The following TTBK1 variants were observed in gnomAD, a reference collection of about 807,000 sequenced individuals.
TTBK1 encodes tau tubulin kinase 1.
TTBK1 carries 34 observed loss-of-function variants against 108.5 expected under a neutral mutation model. The observed-to-expected ratio is 0.31, with a 90% CI of 0.24 to 0.42. The LOEUF (loss-of-function observed/expected upper bound fraction) is 0.42. Among genes scored for constraint, TTBK1 ranks in the 10% least tolerant of loss-of-function variants. The pLI is 1.00. For synonymous variants in TTBK1, 809 were observed against 795.1 expected, an observed-to-expected ratio of 1.02 and a Z score of -0.29; for missense variants, 1,539 against 1,826.0, an observed-to-expected ratio of 0.84 and a Z score of 2.86.
chr6:43,255,159 C>T, intron 7 of TTBK1, 45 bp downstream of exon 7: 1 of 849,006 alleles, frequency 1.2e-6, no homozygotes, highest in South Asian at 1.5e-5. Context: ...GTGGGAGGGG[C>T]AAGGTCGGGG....
rs1198817887 is a variant in TTBK1, at chr6:43,259,426, CTG to C, written c.1249-101_1249-100del. Reference sequence around the variant, plus strand: ...CCGGTCCCTCCCCGCACTAGCCTCGCTGTGTCTTCCATCATCATCATCCTCTG... The same window carrying C: ...CCGGTCCCTCCCCGCACTAGCCTCGCTGTCTTCCATCATCATCATCCTCTG... On this transcript the variant is annotated intron_variant, in intron 11 of 14. Coordinates refer to ENST00000259750, the MANE Select transcript of TTBK1 (RefSeq NM_032538.3). This position sits in a 1 kb window ranked among gnomAD's most constrained non-coding sequence, Gnocchi z 6.7. 7.3e-7 allele frequency: 1 copy of C among 1,373,936 alleles called. No individual in the cohort carries two copies. The highest frequency in any genetic ancestry group is 9.8e-7 in the Non-Finnish European group (1 of 1,020,814). The allele number at this position is 1,373,936 out of a possible 1,614,324, so 85.1% of individuals were successfully genotyped here.
In TTBK1 at chr6:43,285,416, G is replaced by GCCCCCCCCCCCCACCCC; in HGVS notation, c.*40_*41insCCCCCCCCCCCCACCCC. 2.0e-6 allele frequency: 1 copy of GCCCCCCCCCCCCACCCC among 508,396 alleles called. No homozygotes were observed. Among genetic ancestry groups the GCCCCCCCCCCCCACCCC allele is most frequent in the Non-Finnish European group, 2.7e-6 (1 of 367,372 alleles). The allele number at this position is 508,396 out of a possible 1,614,324, so 31.5% of individuals were successfully genotyped here. ...CTCCGCGGTCCCCCACCCTCACCCC[G>GCCCCCCCCCCCCACCCC]GCCCCCCACCCGCAGCCGGCCACAC... On this transcript the variant is annotated 3_prime_UTR_variant, in exon 15 of 15. Transcript: ENST00000259750. This position sits in a 1 kb window ranked among gnomAD's most constrained non-coding sequence, Gnocchi z 4.7.
At chr6:43,251,230 TAAAC>T (rs1777230635) in intron 2 of TTBK1, among the ~76,000 whole-genome samples, 1 of 152,196 alleles carries the variant, frequency 6.6e-6, no homozygotes, top group African/African-American at 2.4e-5. Context: ...CAATCACCAC[TAAAC>T]AATCACAAGT....
In TTBK1 at chr6:43,253,547, C is replaced by T. The variant is rs763787892; in HGVS notation, c.331-21C>T. 8.1e-6 allele frequency: 13 copies of T among 1,595,718 alleles called. No individual in the cohort carries two copies. Among genetic ancestry groups the T allele is most frequent in the Non-Finnish European group, 1.1e-5 (13 of 1,170,850 alleles). On this transcript the variant is annotated intron_variant, in intron 4 of 14. Transcript: ENST00000259750. The surrounding 1 kb of genome is among the most constrained non-coding windows in gnomAD (Gnocchi z 5.8). ...ATGATGGCTGAGGGTGAGTCTACCCCCCACCTCCACCCCCATGCAGGGCCG... is the reference window on the plus strand; with the variant it reads ...ATGATGGCTGAGGGTGAGTCTACCCTCCACCTCCACCCCCATGCAGGGCCG...
rs1777129124 is a variant in TTBK1, at chr6:43,247,630, C to T, written c.108+862C>T. 2.6e-5 allele frequency among the ~76,000 whole-genome samples: 4 copies of T among 152,016 alleles called. No individual in the cohort carries two copies. The South Asian group carries it at 8.3e-4, about 32-fold the overall frequency. ...AGAACAACAGAGGTCAGGTACACTC[C>T]TGACCTCTGAGTCGTGTGTGTGTGC... On this transcript the variant is annotated intron_variant, in intron 2 of 14. Coordinates refer to ENST00000259750, the MANE Select transcript of TTBK1 (RefSeq NM_032538.3).
Position 43,267,099 on chromosome 6 carries a change from GC to G in TTBK1, c.1986+3751del, listed in dbSNP as rs562711009. ...GGCCATGTCAGCAGGTGTGCCTGTG[GC>G]CATGTCAGTGTGCAGGGCAGCCTCT... On this transcript the variant is annotated intron_variant, in intron 13 of 14. Transcript: ENST00000259750. 2.7e-3 allele frequency among the ~76,000 whole-genome samples: 409 copies of G among 150,566 alleles called. 2 individuals carry two copies. Among genetic ancestry groups the G allele is most frequent in the African/African-American group, 9.5e-3 (389 of 40,978 alleles).
chr6:43,254,676 A>G (rs1487311658), intron 6 of TTBK1, 25 bp downstream of exon 6: 2 of 1,512,494 alleles, frequency 1.3e-6, no homozygotes, highest in Non-Finnish European at 1.8e-6. Context: ...GGCGGGGAGG[A>G]CAGTGGAGGA....
rs568370982 is a variant in TTBK1 at position 43,271,822 on chromosome 6, T to C, written c.1986+8472T>C. The C allele has an allele frequency of 1.5e-5, 15 of 984,936 alleles. 1 individual carries two copies. The African/African-American group carries it at 2.5e-4, about 16-fold the overall frequency. 61.0% of individuals were successfully genotyped at this position (984,936 alleles called of 1,614,324 possible). A position where few individuals can be genotyped will look rare whatever the true frequency, so the allele number is the denominator to read the frequency against. On this transcript the variant is annotated intron_variant, in intron 13 of 14. Coordinates refer to ENST00000259750, the MANE Select transcript of TTBK1 (RefSeq NM_032538.3). Reference sequence around the variant, plus strand: ...GAGGATGTCTGGGCCAAGAGCACCTTCTCCATCTGGCAACAAAAGCCAGAT... The same window carrying C: ...GAGGATGTCTGGGCCAAGAGCACCTCCTCCATCTGGCAACAAAAGCCAGAT...
intron 1 of TTBK1, among the ~76,000 whole-genome samples, chr6:43,245,566 T>C (rs1562079197): frequency 6.6e-6 from 1 of 151,760 alleles, no homozygotes; most frequent in Admixed American, 6.6e-5. Flanking sequence ...CAAAGAAACA[T>C]ACACACACAG....
chr6:43,262,945 C>T lies in TTBK1; in HGVS notation c.1581C>T (p.Phe527=). The change falls in exon 13 of 15, where the codon TTC becomes TTT. Residue 527 remains phenylalanine (F), a synonymous_variant. Coordinates refer to ENST00000259750, the MANE Select transcript of TTBK1 (RefSeq NM_032538.3). ...SVEQEALSNA[F]RSVPLAEEED... is the part of the protein sequence containing the mutation. ...AGCAGGAGGCCCTGAGCAACGCCTT[C>T]CGCTCGGTGCCGCTGGCTGAGGAGG... 6.2e-7 allele frequency: 1 copy of T among 1,613,948 alleles called. No homozygotes were observed. Among genetic ancestry groups the T allele is most frequent in the African/African-American group, 1.3e-5 (1 of 75,066 alleles).
At chr6:43,274,986 C>T (rs1269231555) in intron 13 of TTBK1, among the ~76,000 whole-genome samples, 1 of 152,240 alleles carries the variant, frequency 6.6e-6, no homozygotes, top group Admixed American at 6.5e-5. Context: ...ACCACTCACC[C>T]TCCCTCCCTG....
At chr6:43,244,297 G>A (rs1317395622) in intron 1 of TTBK1, among the ~76,000 whole-genome samples, 1 of 151,836 alleles carries the variant, frequency 6.6e-6, no homozygotes, top group African/African-American at 2.4e-5. Flanking sequence ...CCTTACCTGG[G>A]CTCCCAGATT....
chr6:43,282,984 TGAG>T lies in TTBK1; in HGVS notation c.2247_2249del (p.Glu771del). 1 of 1,577,660 alleles carries T rather than the reference TGAG, an allele frequency of 6.3e-7. No homozygotes were observed. Among genetic ancestry groups the T allele is most frequent in the Non-Finnish European group, 8.6e-7 (1 of 1,162,536 alleles). ...AAGATGAGGAAGAGGAAGAAGAGGA[TGAG>T]GAAGAAGAAGAGGAGGAAGAGGAAG... On this transcript the variant is annotated inframe_deletion, in exon 14 of 15. Transcript: ENST00000259750. The surrounding 1 kb of genome is among the most constrained non-coding windows in gnomAD (Gnocchi z 5.4).
rs1432847236 is a variant in TTBK1, at chr6:43,255,494, C to T, written c.643-58C>T. 1.8e-5 allele frequency: 26 copies of T among 1,469,346 alleles called. 1 individual carries two copies. The highest frequency in any genetic ancestry group is 2.5e-5 in the East Asian group (1 of 40,670). The allele number at this position is 1,469,346 out of a possible 1,614,324, so 91.0% of individuals were successfully genotyped here. A position where few individuals can be genotyped will look rare whatever the true frequency, so the allele number is the denominator to read the frequency against. ...AGATGCCCCTCAGAGAAGGGTCAGCCGCCCATTCCCAGGGAAGGACCTGAG... is the reference window on the plus strand; with the variant it reads ...AGATGCCCCTCAGAGAAGGGTCAGCTGCCCATTCCCAGGGAAGGACCTGAG... On this transcript the variant is annotated intron_variant, in intron 7 of 14. Coordinates refer to ENST00000259750, the MANE Select transcript of TTBK1 (RefSeq NM_032538.3).
In TTBK1 at chr6:43,285,548, C is replaced by G. The variant is rs1323237351; in HGVS notation, c.*172C>G. Reference sequence around the variant, plus strand: ...CGCGCGAGCACACGCGGCGCCCCGCCAGGCCTTAGGGCCCGTGGGGGACGC... The same window carrying G: ...CGCGCGAGCACACGCGGCGCCCCGCGAGGCCTTAGGGCCCGTGGGGGACGC... On this transcript the variant is annotated 3_prime_UTR_variant, in exon 15 of 15. Transcript: ENST00000259750. This position sits in a 1 kb window ranked among gnomAD's most constrained non-coding sequence, Gnocchi z 4.7. The G allele has an allele frequency of 1.1e-6, 1 of 885,992 alleles. No homozygotes were observed. The highest frequency in any genetic ancestry group is 1.8e-5 in the African/African-American group (1 of 56,938). The allele number at this position is 885,992 out of a possible 1,614,324, so 54.9% of individuals were successfully genotyped here. A position where few individuals can be genotyped will look rare whatever the true frequency, so the allele number is the denominator to read the frequency against.
In TTBK1 at chr6:43,253,166, A is replaced by C. The variant is rs1777290667; in HGVS notation, c.257-125A>C. On this transcript the variant is annotated intron_variant, in intron 3 of 14. Coordinates refer to ENST00000259750, the MANE Select transcript of TTBK1 (RefSeq NM_032538.3). The surrounding 1 kb of genome is among the most constrained non-coding windows in gnomAD (Gnocchi z 5.8). Reference sequence around the variant, plus strand: ...TGAGGCTAGGGCCAGGGAGGTGGCAAGACAGGTGCTCACAGGGCCAGCACT... The same window carrying C: ...TGAGGCTAGGGCCAGGGAGGTGGCACGACAGGTGCTCACAGGGCCAGCACT... 2.7e-6 allele frequency: 3 copies of C among 1,104,108 alleles called. No individual in the cohort carries two copies. Among genetic ancestry groups the C allele is most frequent in the African/African-American group, 1.5e-5 (1 of 64,628 alleles). 68.4% of individuals were successfully genotyped at this position (1,104,108 alleles called of 1,614,324 possible). A position where few individuals can be genotyped will look rare whatever the true frequency, so the allele number is the denominator to read the frequency against.
chr6:43,277,528 G>C (rs1041082847), intron 13 of TTBK1, among the ~76,000 whole-genome samples: 1 of 152,254 alleles, frequency 6.6e-6, no homozygotes, highest in African/African-American at 2.4e-5. Flanking sequence ...GCCCCCCACA[G>C]GCTGTCAGCT....
At position 43,257,460 on chromosome 6, in the gene TTBK1, G is replaced by C. The variant is rs1777411488; in HGVS notation, c.862-352G>C. 6.6e-6 allele frequency among the ~76,000 whole-genome samples: 1 copy of C among 152,158 alleles called. No homozygotes were observed. The highest frequency in any genetic ancestry group is 2.1e-4 in the South Asian group (1 of 4,824). On this transcript the variant is annotated intron_variant, in intron 9 of 14. Coordinates refer to ENST00000259750, the MANE Select transcript of TTBK1 (RefSeq NM_032538.3). The surrounding 1 kb of genome is among the most constrained non-coding windows in gnomAD (Gnocchi z 4.5). ...GGGCGCCCCAGCAGAGGGGCAGTCT[G>C]TGCAGAGGCAGCACCCCATGCATGG...
chr6:43,250,697 G>C (rs573169986), intron 2 of TTBK1, among the ~76,000 whole-genome samples: 2 of 152,276 alleles, frequency 1.3e-5, no homozygotes, highest in African/African-American at 4.8e-5. Context: ...TGTGGGGCAA[G>C]GTATTGCATT....
Sources: allele counts gnomAD v4.1 joint callset (sites outside exome capture counted in the v4.1 genomes callset), GRCh38; gene constraint gnomAD v4.1.1; non-coding constraint Gnocchi (gnomAD v3.1); transcripts MANE v1.5; gene names NCBI Gene and HGNC (gene_info 2026-07-23, HGNC 2026-07-21).